Variants in EDARADD observed in about 807,000 individuals in gnomAD.
The protein encoded by EDARADD is EDAR associated via death domain.
Under a neutral mutation model 25.6 loss-of-function variants are expected in EDARADD, and 20 were observed. The ratio of observed to expected loss-of-function variants is 0.78; its 90% CI spans 0.55 to 1.14. The LOEUF (loss-of-function observed/expected upper bound fraction) is 1.14, where lower values mean the gene tolerates loss of function less well. EDARADD is among the 50% of genes most tolerant of loss of function. EDARADD has a pLI of 0.00. For missense variants in EDARADD, 225 were observed against 270.1 expected (o/e 0.83, Z 1.17); for synonymous variants, 86 against 94.4 (o/e 0.91, Z 0.52).
intron 4 of EDARADD, among the ~76,000 whole-genome samples, chr1:236,466,515 C>A (rs1236310906): frequency 1.3e-5 from 2 of 151,752 alleles, no homozygotes; most frequent in Non-Finnish European, 2.9e-5. Flanking sequence ...AAAACTTCAA[C>A]TAAATGAAAA....
chr1:236,360,328 AAAGAAG>A, intron 3 of EDARADD, among the ~76,000 whole-genome samples: 1 of 151,972 alleles, frequency 6.6e-6, no homozygotes, highest in East Asian at 1.9e-4. Flanking sequence ...TTAAAAAAAA[AAAGAAG>A]AAGAAGAAGT....
intron 3 of EDARADD, among the ~76,000 whole-genome samples, chr1:236,379,425 A>T (rs1011021501): frequency 6.6e-6 from 1 of 151,784 alleles, no homozygotes; most frequent in African/African-American, 2.4e-5. Context: ...TCTCAAGAAA[A>T]CAGATACCCT....
chr1:236,409,341 A>G, intron 2 of EDARADD, 67 bp downstream of exon 2: 5 of 1,324,952 alleles, frequency 3.8e-6, no homozygotes, highest in Non-Finnish European at 5.4e-6. Context: ...TTATTTCTTT[A>G]CGTTTTTATT....
chr1:236,432,264 C>T (rs1658116290), intron 4 of EDARADD, among the ~76,000 whole-genome samples: 1 of 151,354 alleles, frequency 6.6e-6, no homozygotes, highest in Non-Finnish European at 1.5e-5. Context: ...ACCTGTGGTC[C>T]CATGGTCCCA....
At chr1:236,472,679 T>G (rs1659389427) in intron 5 of EDARADD, among the ~76,000 whole-genome samples, 1 of 152,142 alleles carries the variant, frequency 6.6e-6, no homozygotes, top group South Asian at 2.1e-4. Context: ...CCCACAGCTA[T>G]TCTATTCATT....
intron 5 of EDARADD, among the ~76,000 whole-genome samples, chr1:236,480,121 A>G (rs1310647247): frequency 1.1e-5 from 1 of 89,840 alleles, no homozygotes; most frequent in Non-Finnish European, 2.7e-5. Flanking sequence ...ATATATATAT[A>G]TATATATATA....
At chr1:236,450,635 G>A (rs1217487438) in intron 4 of EDARADD, among the ~76,000 whole-genome samples, 6 of 129,456 alleles carry the variant, frequency 4.6e-5, no homozygotes, top group African/African-American at 1.5e-4. Context: ...TGCAACCTCC[G>A]TCTCCCAGGT....
At chr1:236,362,390 G>T (rs1489301737) in intron 3 of EDARADD, among the ~76,000 whole-genome samples, 1 of 152,118 alleles carries the variant, frequency 6.6e-6, no homozygotes, top group African/African-American at 2.4e-5. Flanking sequence ...AGTTTTAATT[G>T]TGCTGTTTGT....
chr1:236,434,487 G>A (rs953742409), intron 4 of EDARADD, among the ~76,000 whole-genome samples: 4 of 152,098 alleles, frequency 2.6e-5, no homozygotes, highest in Non-Finnish European at 4.4e-5. Context: ...CGATCCACCC[G>A]CCTCAGCCTC....
chr1:236,405,826 C>T lies in EDARADD; in HGVS notation c.62-3390C>T, dbSNP rs12118002. On this transcript the variant is annotated intron_variant, in intron 1 of 5. Transcript: ENST00000334232. ...TTTCTTTCTTTCCTTCCTTCCTTTCCTTCCTTCCTTCCTTCCTTCCTTCCT... is the reference window on the plus strand; with the variant it reads ...TTTCTTTCTTTCCTTCCTTCCTTTCTTTCCTTCCTTCCTTCCTTCCTTCCT... 3.1e-3 allele frequency among the ~76,000 whole-genome samples: 84 copies of T among 26,838 alleles called. 1 individual carries two copies. The highest frequency in any genetic ancestry group is 6.5e-3 in the African/African-American group (42 of 6,430). The allele number at this position is 26,838 out of a possible 152,430, so 17.6% of individuals were successfully genotyped here. A position where few individuals can be genotyped will look rare whatever the true frequency, so the allele number is the denominator to read the frequency against.
rs996470357 is a variant in EDARADD, at chr1:236,379,687, G to A, written c.-6+28848G>A. Reference sequence around the variant, plus strand: ...CCAGCTACTTGGGAGGCTGAGGCAGGAGAATCACTTGAACCCCGGGGGGTG... The same window carrying A: ...CCAGCTACTTGGGAGGCTGAGGCAGAAGAATCACTTGAACCCCGGGGGGTG... On this transcript the variant is annotated intron_variant, in intron 3 of 7. Transcript: ENST00000439430. Among the ~76,000 whole-genome samples, 6 of 152,044 alleles carry A rather than the reference G, an allele frequency of 3.9e-5. 1 individual carries two copies. Among genetic ancestry groups the A allele is most frequent in the African/African-American group, 1.2e-4 (5 of 41,482 alleles).
intron 3 of EDARADD, among the ~76,000 whole-genome samples, chr1:236,385,384 G>T (rs2102997009): frequency 7.7e-6 from 1 of 129,736 alleles, no homozygotes; most frequent in South Asian, 2.6e-4. Context: ...ACTCCAGCCT[G>T]GGCGACAGAG....
At chr1:236,455,609 T>A (rs1013993375) in intron 4 of EDARADD, among the ~76,000 whole-genome samples, 1 of 152,166 alleles carries the variant, frequency 6.6e-6, no homozygotes, top group African/African-American at 2.4e-5. Context: ...AGCACATACT[T>A]GGTATTTTTA....
intron 5 of EDARADD, among the ~76,000 whole-genome samples, chr1:236,480,367 G>A (rs1178285835): frequency 3.3e-5 from 5 of 151,806 alleles, no homozygotes; most frequent in East Asian, 1.9e-4. Flanking sequence ...AAATAACACC[G>A]TGATAACAAT....
chr1:236,383,282 C>A (rs1395634693), intron 3 of EDARADD, among the ~76,000 whole-genome samples: 1 of 151,628 alleles, frequency 6.6e-6, no homozygotes, highest in Admixed American at 6.6e-5. Context: ...GTAGTCCCAG[C>A]TACTCGAGAG....
chr1:236,363,006 A>AAAAAAAATATATAT (rs1377112051), intron 3 of EDARADD, among the ~76,000 whole-genome samples: 3 of 42,950 alleles, frequency 7.0e-5, no homozygotes, highest in African/African-American at 3.3e-4. Flanking sequence ...AAAAAAAAAA[A>AAAAAAAATATATAT]ATATATATAT....
upstream of EDARADD, among the ~76,000 whole-genome samples, chr1:236,393,704 G>A (rs1403793615): frequency 2.0e-5 from 3 of 152,128 alleles, no homozygotes; most frequent in Non-Finnish European, 4.4e-5. Context: ...GCCCAAAAAT[G>A]TCTATTTTCA....
intron 2 of EDARADD, among the ~76,000 whole-genome samples, chr1:236,413,978 C>G (rs1371390882): frequency 6.6e-6 from 1 of 152,172 alleles, no homozygotes; most frequent in East Asian, 1.9e-4. Context: ...AGGAGGCTAG[C>G]ACTGCAGAAA....
rs935003457 is a variant in EDARADD at position 236,395,459 on chromosome 1, G to A, written c.61+954G>A. On this transcript the variant is annotated intron_variant, in intron 1 of 5. Coordinates refer to ENST00000334232, the MANE Select transcript of EDARADD (RefSeq NM_145861.4). This position sits in a 1 kb window ranked among gnomAD's most constrained non-coding sequence, Gnocchi z 6.9. ...TGAGCTCGTGGAAGAAGCGAAGGAGGAGAAGAAGAAGGGAGGGGAAGGCGG... is the reference window on the plus strand; with the variant it reads ...TGAGCTCGTGGAAGAAGCGAAGGAGAAGAAGAAGAAGGGAGGGGAAGGCGG... 9 of 1,489,794 alleles carry A rather than the reference G, an allele frequency of 6.0e-6. No homozygotes were observed. Among genetic ancestry groups the A allele is most frequent in the African/African-American group, 1.4e-5 (1 of 70,600 alleles). 92.3% of individuals were successfully genotyped at this position (1,489,794 alleles called of 1,614,324 possible).
Sources: allele counts gnomAD v4.1 joint callset (sites outside exome capture counted in the v4.1 genomes callset), GRCh38; gene constraint gnomAD v4.1.1; non-coding constraint Gnocchi (gnomAD v3.1); transcripts MANE v1.5; gene names NCBI Gene and HGNC (gene_info 2026-07-23, HGNC 2026-07-21).